C1orf185: variants seen among roughly 807,000 people sequenced by gnomAD.
C1orf185 encodes the protein chromosome 1 open reading frame 185.
C1orf185 carries 13 observed loss-of-function variants against 16.1 expected under a neutral mutation model. The observed-to-expected ratio is 0.81, with a 90% CI of 0.53 to 1.28. The LOEUF (loss-of-function observed/expected upper bound fraction) is 1.28. C1orf185 is among the 50% of genes most tolerant of loss of function. The pLI is 0.00. For synonymous variants in C1orf185, 80 were observed against 76.9 expected (o/e 1.04, Z -0.21); for missense variants, 220 against 225.2 (o/e 0.98, Z 0.15).
chr1:51,147,673 C>G lies in C1orf185; in HGVS notation c.502C>G (p.Pro168Ala). The G allele has an allele frequency of 6.4e-7, 1 of 1,551,320 alleles. No homozygotes were observed. Among genetic ancestry groups the G allele is most frequent in the Non-Finnish European group, 8.7e-7 (1 of 1,146,778 alleles). Residue 168 changes from proline to alanine, a missense_variant, in exon 5 of 5, where the codon CCT becomes GCT. Physicochemically the swap from Pro to Ala is conservative, Grantham distance 27 (BLOSUM62 -1). Transcript: ENST00000371759. Reference sequence around the variant, plus strand: ...TCTAGTGAAAAGGAACTCTCCAATGCCTTCTCTCGGGGAACCTCTAATGGA... The same window carrying G: ...TCTAGTGAAAAGGAACTCTCCAATGGCTTCTCTCGGGGAACCTCTAATGGA... ...DSLVKRNSPM[P>A]SLGEPLMEKV...
intron 2 of C1orf185, among the ~76,000 whole-genome samples, chr1:51,114,068 G>T (rs72892463): frequency 0.077 from 11,666 of 152,204 alleles, 1,349 homozygotes; most frequent in African/African-American, 0.25. Context: ...ACCAGACATA[G>T]GAAGACTTTG....
intron 1 of C1orf185, among the ~76,000 whole-genome samples, chr1:51,106,052 G>A (rs1646068401): frequency 6.6e-6 from 1 of 152,060 alleles, no homozygotes; most frequent in Admixed American, 6.6e-5. Flanking sequence ...CCTATTTTCT[G>A]TCGTAATAGA....
At chr1:51,140,823 C>A (rs1472781438) in intron 3 of C1orf185, among the ~76,000 whole-genome samples, 1 of 152,138 alleles carries the variant, frequency 6.6e-6, no homozygotes, top group African/African-American at 2.4e-5. Flanking sequence ...TAGTGATATT[C>A]TCTTGCTCAC....
At chr1:51,134,895 T>C (rs1169322626) in intron 3 of C1orf185, among the ~76,000 whole-genome samples, 3 of 152,186 alleles carry the variant, frequency 2.0e-5, no homozygotes, top group African/African-American at 4.8e-5. Flanking sequence ...CCAGATGGAC[T>C]CATAGCTGAA....
At chr1:51,141,144 C>T (rs772582736) in intron 3 of C1orf185, among the ~76,000 whole-genome samples, 3 of 152,124 alleles carry the variant, frequency 2.0e-5, no homozygotes, top group South Asian at 2.1e-4. Context: ...ACTAGAGAAA[C>T]GAGAACTCTA....
chr1:51,111,157 A>T (rs957225256), intron 1 of C1orf185, among the ~76,000 whole-genome samples: 1 of 152,008 alleles, frequency 6.6e-6, no homozygotes, highest in Admixed American at 6.6e-5. Context: ...TAGAATTATG[A>T]TAATTTGTAG....
rs1646176859 is a variant in C1orf185 at position 51,118,741 on chromosome 1, AT to A, written c.199del (p.Ser67LeufsTer31). On this transcript the variant is annotated frameshift_variant, in exon 3 of 5. Transcript: ENST00000371759. LOFTEE classifies it high-confidence loss of function. ...AAAGACCATCAATGGCGAAGATTAA[AT>A]CTCATTCTCAGTGTGTTTTTATTTC... ...RQRPSMAKIK[S>X]HSQCVFISRN... 1 of 1,496,178 alleles carries A rather than the reference AT, an allele frequency of 6.7e-7. No individual in the cohort carries two copies. The highest frequency in any genetic ancestry group is 1.4e-5 in the African/African-American group (1 of 71,882). 92.7% of individuals were successfully genotyped at this position (1,496,178 alleles called of 1,614,324 possible).
At chr1:51,103,690 C>T (rs1391583548) in intron 1 of C1orf185, among the ~76,000 whole-genome samples, 1 of 152,002 alleles carries the variant, frequency 6.6e-6, no homozygotes, top group Non-Finnish European at 1.5e-5. Flanking sequence ...CCCACCATCA[C>T]GACTGGTTAA....
intron 3 of C1orf185, among the ~76,000 whole-genome samples, chr1:51,121,000 A>G (rs1646193394): frequency 6.6e-6 from 1 of 152,302 alleles, no homozygotes; most frequent in South Asian, 2.1e-4. Context: ...AAAATTGTAT[A>G]TATTTATCAT....
rs560446135 is a variant in C1orf185 at position 51,111,477 on chromosome 1, A to G, written c.17-987A>G. 4.0e-5 allele frequency among the ~76,000 whole-genome samples: 6 copies of G among 150,538 alleles called. No individual in the cohort carries two copies. In the South Asian group the frequency reaches 8.4e-4, roughly 21 times the overall value. ...AATCTCAAATTCCTGGGCTCAAGCA[A>G]TCCTCCCGCCTCAGCCTCCTGAGTA... On this transcript the variant is annotated intron_variant, in intron 1 of 4. Coordinates refer to ENST00000371759, the MANE Select transcript of C1orf185 (RefSeq NM_001136508.2).
chr1:51,103,448 C>CACACACACAA (rs772356987), intron 1 of C1orf185, among the ~76,000 whole-genome samples: 8 of 149,772 alleles, frequency 5.3e-5, no homozygotes, highest in Admixed American at 2.7e-4. Context: ...CACACACACA[C>CACACACACAA]AAAAACCACG....
intron 3 of C1orf185, among the ~76,000 whole-genome samples, chr1:51,119,826 A>G (rs181660538): frequency 2.0e-5 from 3 of 152,284 alleles, no homozygotes; most frequent in East Asian, 1.9e-4. Flanking sequence ...TGAGTACTTT[A>G]TATACATCAG....
chr1:51,152,121 G>A (rs546835914), downstream of C1orf185, among the ~76,000 whole-genome samples: 4 of 152,220 alleles, frequency 2.6e-5, no homozygotes, highest in African/African-American at 4.8e-5. Flanking sequence ...CACCCAGCTC[G>A]CAACTGCCTT....
At chr1:51,129,821 A>G (rs1646269947) in intron 3 of C1orf185, 1 of 152,168 alleles carries the variant, frequency 6.6e-6, no homozygotes, top group Admixed American at 6.5e-5. Flanking sequence ...CTCTTCTTAT[A>G]AAGGCACTAA....
At chr1:51,112,932 G>C (rs960355305) in intron 2 of C1orf185, among the ~76,000 whole-genome samples, 8 of 151,550 alleles carry the variant, frequency 5.3e-5, no homozygotes, top group African/African-American at 1.9e-4. Flanking sequence ...CGATTCTCCT[G>C]ACTCAGCCTC....
At chr1:51,113,578 G>A (rs549537601) in intron 2 of C1orf185, among the ~76,000 whole-genome samples, 19 of 152,114 alleles carry the variant, frequency 1.2e-4, no homozygotes, top group East Asian at 3.9e-4. Context: ...CCAGCTGCTC[G>A]GGAGGCTAAG....
chr1:51,113,140 GT>G (rs1431427548), intron 2 of C1orf185, among the ~76,000 whole-genome samples: 1 of 151,764 alleles, frequency 6.6e-6, no homozygotes, highest in Non-Finnish European at 1.5e-5. Flanking sequence ...GAAGACATAG[GT>G]TTGATTGTAA....
At chr1:51,140,812 A>G (rs1646359249) in intron 3 of C1orf185, among the ~76,000 whole-genome samples, 1 of 152,330 alleles carries the variant, frequency 6.6e-6, no homozygotes, top group African/African-American at 2.4e-5. Context: ...TCTGATATCT[A>G]TAGTGATATT....
chr1:51,123,967 A>ATT (rs1491507554), intron 3 of C1orf185, among the ~76,000 whole-genome samples: 10 of 151,276 alleles, frequency 6.6e-5, no homozygotes, highest in Non-Finnish European at 1.3e-4. Context: ...ACACACACAC[A>ATT]TTATATATAT....
Sources: allele counts gnomAD v4.1 joint callset (sites outside exome capture counted in the v4.1 genomes callset), GRCh38; gene constraint gnomAD v4.1.1; transcripts MANE v1.5; gene names NCBI Gene and HGNC (gene_info 2026-07-23, HGNC 2026-07-21).